C1orf174: variants seen among roughly 807,000 people sequenced by gnomAD.
The protein encoded by C1orf174 is UPF0688 protein C1orf174.
In C1orf174, 13 loss-of-function variants were observed where a neutral mutation model predicts 18.4. The observed-to-expected ratio is 0.71, with a 90% CI of 0.46 to 1.12. C1orf174 has a LOEUF of 1.12. Ranked by LOEUF, C1orf174 falls within the 50% of genes most tolerant of loss-of-function variation. The pLI is 0.00. For synonymous variants in C1orf174, 100 were observed against 118.3 expected (o/e 0.85, Z 1.01); for missense variants, 309 against 308.0 (o/e 1.00, Z -0.02).
intron 1 of C1orf174, among the ~76,000 whole-genome samples, chr1:3,899,348 G>A (rs1638664567): frequency 6.6e-6 from 1 of 152,194 alleles, no homozygotes; most frequent in African/African-American, 2.4e-5. Context: ...GAATTCACAA[G>A]TGGCCACTCC....
chr1:3,894,487 G>T (rs1180607815), intron 1 of C1orf174, among the ~76,000 whole-genome samples: 1 of 150,756 alleles, frequency 6.6e-6, no homozygotes, highest in Non-Finnish European at 1.5e-5. Flanking sequence ...GGCGCCTGTA[G>T]TCCCAGCTAC....
intron 1 of C1orf174, 111 bp downstream of exon 1, chr1:3,900,061 G>A (rs893938862): frequency 1.5e-4 from 208 of 1,349,572 alleles, no homozygotes; most frequent in South Asian, 2.7e-4. Flanking sequence ...CCAAGCGGAG[G>A]CCGCTCCTAG....
chr1:3,895,877 C>T (rs1638597759), intron 1 of C1orf174: 1 of 152,226 alleles, frequency 6.6e-6, no homozygotes, highest in African/African-American at 2.4e-5. Flanking sequence ...AAGGGCTGGC[C>T]GAGACTGACT....
intron 1 of C1orf174, among the ~76,000 whole-genome samples, chr1:3,894,793 A>C (rs1055534557): frequency 6.6e-6 from 1 of 152,152 alleles, no homozygotes. Flanking sequence ...CGCCTGCTGT[A>C]CACAGGACAC....
rs574973112 is a variant in C1orf174, at chr1:3,889,764, A to G, written c.*196T>C. The G allele has an allele frequency of 6.6e-5, 39 of 591,160 alleles. No individual in the cohort carries two copies. In the East Asian group the frequency reaches 1.0e-3, roughly 15 times the overall value. 36.6% of individuals were successfully genotyped at this position (591,160 alleles called of 1,614,324 possible). A position where few individuals can be genotyped will look rare whatever the true frequency, so the allele number is the denominator to read the frequency against. ...GTACAGCAGCTTTGCAACCTCAAAG[A>G]TGGTTTGAGTTTTAGTTCCCATGAG... On this transcript the variant is annotated 3_prime_UTR_variant, in exon 4 of 4. Transcript: ENST00000361605.
rs112566119 is a variant in C1orf174 at position 3,890,544 on chromosome 1, G to A, written c.618+25C>T. ...GTGCAGCTGCTGCCTGAGTACCCAC[G>A]GGAGGAGGAAGGCGCCGCTCTTACC... On this transcript the variant is annotated intron_variant, in intron 3 of 3. Coordinates refer to ENST00000361605, the MANE Select transcript of C1orf174 (RefSeq NM_207356.3). 55 of 1,610,524 alleles carry A rather than the reference G, an allele frequency of 3.4e-5. 1 individual carries two copies. In the African/African-American group the frequency reaches 4.0e-4, roughly 12 times the overall value.
At chr1:3,890,496 A>T in intron 3 of C1orf174, 73 bp downstream of exon 3, 1 of 1,569,662 alleles carries the variant, frequency 6.4e-7, no homozygotes, top group South Asian at 1.2e-5. Flanking sequence ...ACCTGCACTG[A>T]GTGGGGAGTG....
rs150305532 is a variant in C1orf174 at position 3,892,980 on chromosome 1, C to A, written c.32G>T (p.Arg11Leu). MRSRKLTGAV[R>L]SSARLKARSC... The stretch of plus-strand genomic sequence containing the variant: ...TCGTGCTTTCAAGCGCGCTGAAGAC[C>A]GCACTGCACCTGTGAGCTAGAGAGA... The change falls in exon 2 of 4, where the codon CGG becomes CTG. Residue 11 changes from arginine (R) to leucine (L), a missense_variant. Transcript: ENST00000361605. 6.2e-7 allele frequency: 1 copy of A among 1,613,878 alleles called. No individual in the cohort carries two copies. The highest frequency in any genetic ancestry group is 8.5e-7 in the Non-Finnish European group (1 of 1,179,850).
In C1orf174 at chr1:3,889,937, A is replaced by C; in HGVS notation, c.*23T>G. On this transcript the variant is annotated 3_prime_UTR_variant, in exon 4 of 4. Coordinates refer to ENST00000361605, the MANE Select transcript of C1orf174 (RefSeq NM_207356.3). ...AAATTGTTAATGGTACTAAATACTC[A>C]AGGACATTATTTTGTATGGCCCCTA... 1.3e-6 allele frequency: 2 copies of C among 1,567,052 alleles called. No individual in the cohort carries two copies. The highest frequency in any genetic ancestry group is 1.8e-6 in the Non-Finnish European group (2 of 1,137,160).
chr1:3,893,211 G>C (rs1297270608), intron 1 of C1orf174, among the ~76,000 whole-genome samples: 2 of 152,186 alleles, frequency 1.3e-5, no homozygotes, highest in Non-Finnish European at 2.9e-5. Flanking sequence ...CGATTTTGGA[G>C]GCTTGGGACG....
chr1:3,895,635 T>C (rs1274598470), intron 1 of C1orf174: 1 of 152,216 alleles, frequency 6.6e-6, no homozygotes, highest in Non-Finnish European at 1.5e-5. Flanking sequence ...AGTCAAAACA[T>C]GAGATCGGCT....
Position 3,900,222 on chromosome 1 carries a change from G to T in C1orf174, c.-36C>A. 6.4e-7 allele frequency: 1 copy of T among 1,556,154 alleles called. No individual in the cohort carries two copies. The highest frequency in any genetic ancestry group is 1.2e-5 in the South Asian group (1 of 86,474). ...ACCGCAGCCAAGCACCGCGCGCCCCGGCCAACGCGTCCCGGCGGAGCGGCG... is the reference window on the plus strand; with the variant it reads ...ACCGCAGCCAAGCACCGCGCGCCCCTGCCAACGCGTCCCGGCGGAGCGGCG... On this transcript the variant is annotated 5_prime_UTR_variant, in exon 1 of 4. Transcript: ENST00000361605.
chr1:3,894,606 C>A (rs374238407), intron 1 of C1orf174, among the ~76,000 whole-genome samples: 325 of 112,198 alleles, frequency 2.9e-3, no homozygotes, highest in East Asian at 4.0e-3. Context: ...GACTCCGTCT[C>A]AAAAAAAAAA....
chr1:3,897,905 C>G (rs551130169), intron 1 of C1orf174, among the ~76,000 whole-genome samples: 2 of 152,112 alleles, frequency 1.3e-5, no homozygotes, highest in Non-Finnish European at 2.9e-5. Context: ...CCTTGTGATC[C>G]GCCTGCCTCA....
rs1638534399 is a variant in C1orf174, at chr1:3,892,774, A to G, written c.129+109T>C. 5.3e-6 allele frequency: 8 copies of G among 1,498,196 alleles called. No homozygotes were observed. In the South Asian group the frequency reaches 1.1e-4, roughly 20 times the overall value. The allele number at this position is 1,498,196 out of a possible 1,614,324, so 92.8% of individuals were successfully genotyped here. On this transcript the variant is annotated intron_variant, in intron 2 of 3. Coordinates refer to ENST00000361605, the MANE Select transcript of C1orf174 (RefSeq NM_207356.3). Reference sequence around the variant, plus strand: ...CTGCAATAGTCCCCCTCTGGCAGATAAGTAACAGTCGATATTTTTCTAAAG... The same window carrying G: ...CTGCAATAGTCCCCCTCTGGCAGATGAGTAACAGTCGATATTTTTCTAAAG...
At chr1:3,894,494 C>G (rs1334661610) in intron 1 of C1orf174, among the ~76,000 whole-genome samples, 1 of 150,182 alleles carries the variant, frequency 6.7e-6, no homozygotes, top group African/African-American at 2.5e-5. Flanking sequence ...GTAGTCCCAG[C>G]TACTTGGGAG....
chr1:3,899,751 C>T (rs1471476529), intron 1 of C1orf174, among the ~76,000 whole-genome samples: 2 of 152,192 alleles, frequency 1.3e-5, no homozygotes, highest in Non-Finnish European at 2.9e-5. Flanking sequence ...GACCTGGGAG[C>T]CCCCTGTTGC....
Position 3,889,629 on chromosome 1 carries a change from A to T in C1orf174, c.*331T>A, listed in dbSNP as rs897338425. ...AGAATCACTTGAACCCAGGAGGTGG[A>T]GGTTGCAGTGAGCCGAGATTGCGCC... On this transcript the variant is annotated 3_prime_UTR_variant, in exon 4 of 4. Transcript: ENST00000361605. 1.5e-5 allele frequency: 3 copies of T among 201,062 alleles called. No homozygotes were observed. In the Admixed American group the frequency reaches 1.7e-4, roughly 12 times the overall value. The allele number at this position is 201,062 out of a possible 1,614,324, so 12.5% of individuals were successfully genotyped here. A position where few individuals can be genotyped will look rare whatever the true frequency, so the allele number is the denominator to read the frequency against.
intron 1 of C1orf174, chr1:3,896,251 T>A (rs1340102005): frequency 6.5e-6 from 1 of 152,728 alleles, no homozygotes; most frequent in East Asian, 1.9e-4. Flanking sequence ...ACCCTATTTG[T>A]AGAATGAAGG....
Sources: gnomAD v4.1 joint callset for allele counts (sites outside exome capture counted in the v4.1 genomes callset) on GRCh38, gnomAD v4.1.1 for gene constraint, MANE v1.5 for transcripts, NCBI Gene and HGNC (gene_info 2026-07-23, HGNC 2026-07-21) for gene names.